The following RSPO2 variants were observed in gnomAD, a reference collection of about 807,000 sequenced individuals.
The protein encoded by RSPO2 is R-spondin 2, also known as R-spondin-2.
Under a neutral mutation model 30.9 loss-of-function variants are expected in RSPO2, and 14 were observed. The ratio of observed to expected loss-of-function variants is 0.45; its 90% CI spans 0.30 to 0.71. RSPO2 has a LOEUF of 0.71. Ranked by LOEUF, RSPO2 falls within the 30% of genes least tolerant of loss-of-function variation. The pLI, the probability that RSPO2 is intolerant of heterozygous loss-of-function variation, is 0.08. For missense variants in RSPO2, 264 were observed against 301.9 expected (o/e 0.87, Z 0.93); for synonymous variants, 107 against 96.4 (o/e 1.11, Z -0.64).
rs940396114 is a variant in RSPO2, at chr8:107,901,293, C to T, written c.617-103G>A. The stretch of plus-strand genomic sequence containing the variant: ...TTTTGCACAAAGCCCATCTGGAAAA[C>T]ATCACCTATGGAAAAAGCCTCAAAG... On this transcript the variant is annotated intron_variant, in intron 5 of 5. Transcript: ENST00000276659. 13 of 1,290,612 alleles carry T rather than the reference C, an allele frequency of 1.0e-5. No homozygotes were observed. In the African/African-American group the frequency reaches 2.0e-4, roughly 19 times the overall value. 79.9% of individuals were successfully genotyped at this position (1,290,612 alleles called of 1,614,324 possible). A position where few individuals can be genotyped will look rare whatever the true frequency, so the allele number is the denominator to read the frequency against.
chr8:108,020,935 G>A (rs1259289639), intron 2 of RSPO2, among the ~76,000 whole-genome samples: 1 of 152,184 alleles, frequency 6.6e-6, no homozygotes, highest in African/African-American at 2.4e-5. Flanking sequence ...TGTGCCCAGA[G>A]TCCACTTCAG....
chr8:107,983,807 A>G (rs1239295598), intron 3 of RSPO2: 1 of 1,604,998 alleles, frequency 6.2e-7, no homozygotes, highest in East Asian at 2.2e-5. Context: ...GGAGCTTGCC[A>G]CCACATTCAG....
intron 2 of RSPO2, among the ~76,000 whole-genome samples, chr8:108,030,773 C>T (rs1811394622): frequency 6.6e-6 from 1 of 152,112 alleles, no homozygotes; most frequent in Non-Finnish European, 1.5e-5. Flanking sequence ...TAAGAAAGCC[C>T]AATTAAAACT....
chr8:107,979,777 T>C (rs1814359694), intron 3 of RSPO2, among the ~76,000 whole-genome samples: 1 of 152,106 alleles, frequency 6.6e-6, no homozygotes, highest in Admixed American at 6.5e-5. Flanking sequence ...TTCTAATCTC[T>C]TGAATCTGTC....
chr8:107,986,158 C>A (rs915262480), intron 3 of RSPO2, among the ~76,000 whole-genome samples: 5 of 152,078 alleles, frequency 3.3e-5, no homozygotes, highest in Admixed American at 2.6e-4. Flanking sequence ...TTCTCATCCC[C>A]TGAATAAAAT....
intron 2 of RSPO2, among the ~76,000 whole-genome samples, chr8:108,039,811 T>A (rs1231749402): frequency 6.6e-6 from 1 of 152,116 alleles, no homozygotes; most frequent in African/African-American, 2.4e-5. Flanking sequence ...TAACCCCGAA[T>A]GTGATGGTAT....
intron 3 of RSPO2, 106 bp from the exon 4 acceptor site, chr8:107,960,923 C>T (rs1813607651): frequency 1.0e-5 from 8 of 778,738 alleles, no homozygotes; most frequent in Admixed American, 3.0e-5. Flanking sequence ...TTGAAATTCT[C>T]ATCATCAGAG....
At chr8:107,962,653 G>A (rs533524767) in intron 3 of RSPO2, among the ~76,000 whole-genome samples, 6 of 152,066 alleles carry the variant, frequency 3.9e-5, no homozygotes, top group Non-Finnish European at 8.8e-5. Flanking sequence ...CAAACTACAT[G>A]ACCATTATGT....
At chr8:107,987,154 T>C (rs1420953336) in intron 3 of RSPO2, among the ~76,000 whole-genome samples, 1 of 152,202 alleles carries the variant, frequency 6.6e-6, no homozygotes, top group African/African-American at 2.4e-5. Context: ...TTCTTTCTCT[T>C]AGCTCTGTCC....
At chr8:108,026,283 A>G (rs1263035868) in intron 2 of RSPO2, among the ~76,000 whole-genome samples, 4 of 152,218 alleles carry the variant, frequency 2.6e-5, no homozygotes, top group African/African-American at 9.6e-5. Context: ...TTAAAGAAGA[A>G]TAAAGTATGA....
At chr8:107,987,720 G>A (rs1814694973) in intron 3 of RSPO2, among the ~76,000 whole-genome samples, 3 of 152,076 alleles carry the variant, frequency 2.0e-5, no homozygotes, top group South Asian at 4.2e-4. Flanking sequence ...TTACATATAT[G>A]TGGTTCCTTC....
At chr8:107,995,713 T>C (rs986611444) in intron 2 of RSPO2, among the ~76,000 whole-genome samples, 1 of 152,150 alleles carries the variant, frequency 6.6e-6, no homozygotes, top group African/African-American at 2.4e-5. Flanking sequence ...GCTTCTATGA[T>C]AATATCTTCT....
chr8:108,017,056 G>A (rs1340792981), intron 2 of RSPO2, among the ~76,000 whole-genome samples: 4 of 146,984 alleles, frequency 2.7e-5, no homozygotes, highest in Non-Finnish European at 6.0e-5. Flanking sequence ...TCACTCTGTC[G>A]CCCAGGCTGG....
chr8:108,068,078 C>T (rs571477025), intron 2 of RSPO2, among the ~76,000 whole-genome samples: 1 of 143,322 alleles, frequency 7.0e-6, no homozygotes, highest in Non-Finnish European at 1.5e-5. Context: ...CAAAAACAAA[C>T]AAAAAAAAAA....
chr8:108,024,006 A>G (rs1437632932), intron 2 of RSPO2, among the ~76,000 whole-genome samples: 1 of 152,198 alleles, frequency 6.6e-6, no homozygotes, highest in African/African-American at 2.4e-5. Context: ...CACATTAAAC[A>G]TGAATTAAAT....
In RSPO2 at chr8:107,964,312, G is replaced by A. The variant is rs182459004; in HGVS notation, c.284-3495C>T. 2.8e-3 allele frequency among the ~76,000 whole-genome samples: 431 copies of A among 152,250 alleles called. 4 individuals carry two copies. The highest frequency in any genetic ancestry group is 9.8e-3 in the African/African-American group (406 of 41,552). On this transcript the variant is annotated intron_variant, in intron 3 of 5. Transcript: ENST00000276659. Reference sequence around the variant, plus strand: ...GGCAGGAGTGCAATGGCACAATCTCGGCTCACTGCGACCTCTGCCTCCCGG... The same window carrying A: ...GGCAGGAGTGCAATGGCACAATCTCAGCTCACTGCGACCTCTGCCTCCCGG...
intron 2 of RSPO2, among the ~76,000 whole-genome samples, chr8:108,059,578 A>T (rs1241532997): frequency 2.0e-5 from 3 of 149,884 alleles, no homozygotes; most frequent in Non-Finnish European, 2.9e-5. Flanking sequence ...CACTATTCAC[A>T]ATAGCAAAGA....
Position 108,054,825 on chromosome 8 carries a change from G to A in RSPO2, c.94+27720C>T, listed in dbSNP as rs571038792. On this transcript the variant is annotated intron_variant, in intron 2 of 5. Transcript: ENST00000276659. The stretch of plus-strand genomic sequence containing the variant: ...GTCCTCATAGTTTACTACAGAAAAC[G>A]GAAAAGGGCTGGGCAGGGTGGCTCA... Among the ~76,000 whole-genome samples the A allele has an allele frequency of 1.1e-3, 175 of 152,240 alleles. 2 individuals carry two copies. The highest frequency in any genetic ancestry group is 3.4e-3 in the Middle Eastern group (1 of 294).
intron 2 of RSPO2, among the ~76,000 whole-genome samples, chr8:108,042,525 G>A (rs549468064): frequency 1.2e-4 from 18 of 152,194 alleles, no homozygotes; most frequent in Non-Finnish European, 1.8e-4. Flanking sequence ...TACCCGTGCC[G>A]TGCTCATTAA....
Sources: gnomAD v4.1 joint callset for allele counts (sites outside exome capture counted in the v4.1 genomes callset) on GRCh38, gnomAD v4.1.1 for gene constraint, MANE v1.5 for transcripts, NCBI Gene and HGNC (gene_info 2026-07-23, HGNC 2026-07-21) for gene names.